SLC9C2: variants seen among roughly 807,000 people sequenced by gnomAD.
SLC9C2 encodes solute carrier family 9 member C2 (putative).
A neutral mutation model predicts 140.2 loss-of-function variants in SLC9C2; 75 were observed. That is an observed-to-expected ratio of 0.53 (90% confidence interval 0.44 to 0.65). SLC9C2 has a LOEUF of 0.65. Ranked by LOEUF, SLC9C2 falls within the 30% of genes least tolerant of loss-of-function variation. SLC9C2 has a pLI of 0.00. For synonymous variants in SLC9C2, 375 were observed against 420.9 expected (o/e 0.89, Z 1.34); for missense variants, 1,074 against 1,331.8 (o/e 0.81, Z 3.01).
intron 8 of SLC9C2, among the ~76,000 whole-genome samples, chr1:173,573,765 T>C (rs1378037068): frequency 6.6e-6 from 1 of 152,234 alleles, no homozygotes; most frequent in Non-Finnish European, 1.5e-5. Context: ...TCTCCCTCTG[T>C]GACTCACATG....
chr1:173,568,142 T>C (rs1664609460), intron 9 of SLC9C2, among the ~76,000 whole-genome samples: 1 of 152,176 alleles, frequency 6.6e-6, no homozygotes, highest in Non-Finnish European at 1.5e-5. Flanking sequence ...AAATATTTTA[T>C]TTTAGGTTTG....
In SLC9C2 at chr1:173,536,962, G is replaced by A. The variant is rs1183599525; in HGVS notation, c.1635C>T (p.Cys545=). 2 of 1,613,342 alleles carry A rather than the reference G, an allele frequency of 1.2e-6. No individual in the cohort carries two copies. Among genetic ancestry groups the A allele is most frequent in the Admixed American group, 3.3e-5 (2 of 59,970 alleles). The change falls in exon 14 of 28, where the codon TGC becomes TGT. Residue 545 remains cysteine (C), a synonymous_variant. Coordinates refer to ENST00000367714, the MANE Select transcript of SLC9C2 (RefSeq NM_178527.4). ...CTTACTTTCCTTGGATGGAGTAATA[G>A]CATTTTGCTGCACCAATTAATATCC... ...AARILIGAAK[C]YYSIQGKFMS... is the part of the protein sequence containing the mutation.
In SLC9C2 at chr1:173,537,536, T is replaced by G. The variant is rs193197155; in HGVS notation, c.1558-497A>C. 3.6e-3 allele frequency among the ~76,000 whole-genome samples: 552 copies of G among 152,254 alleles called. 6 individuals carry two copies. The highest frequency in any genetic ancestry group is 0.013 in the African/African-American group (531 of 41,548). Reference sequence around the variant, plus strand: ...GAGATCATGCCATTGCACTCCAGTCTGGGCAACAGAGCAAGACTCCGTCTC... The same window carrying G: ...GAGATCATGCCATTGCACTCCAGTCGGGGCAACAGAGCAAGACTCCGTCTC... On this transcript the variant is annotated intron_variant, in intron 13 of 27. Coordinates refer to ENST00000367714, the MANE Select transcript of SLC9C2 (RefSeq NM_178527.4).
chr1:173,554,908 T>C lies in SLC9C2; in HGVS notation c.1216-94A>G, dbSNP rs1571548669. 53 of 780,310 alleles carry C rather than the reference T, an allele frequency of 6.8e-5. 1 individual carries two copies. In the East Asian group the frequency reaches 1.3e-3, roughly 20 times the overall value. 48.3% of individuals were successfully genotyped at this position (780,310 alleles called of 1,614,324 possible). The stretch of plus-strand genomic sequence containing the variant: ...CAATTAGCCACTTACAAAATTCTAT[T>C]AATATCTTAATCCACATTTTAAAAT... On this transcript the variant is annotated intron_variant, in intron 10 of 27. Coordinates refer to ENST00000367714, the MANE Select transcript of SLC9C2 (RefSeq NM_178527.4).
chr1:173,533,002 G>C (rs116373156), intron 17 of SLC9C2, among the ~76,000 whole-genome samples: 10 of 152,270 alleles, frequency 6.6e-5, no homozygotes, highest in Non-Finnish European at 1.3e-4. Flanking sequence ...GCAGGTAGAG[G>C]GTAATCAGGA....
intron 4 of SLC9C2, among the ~76,000 whole-genome samples, chr1:173,589,531 T>C (rs1182941027): frequency 6.6e-6 from 1 of 151,982 alleles, no homozygotes; most frequent in Non-Finnish European, 1.5e-5. Flanking sequence ...CTGTACTCTA[T>C]CCTGGGTGAC....
intron 9 of SLC9C2, among the ~76,000 whole-genome samples, chr1:173,566,659 TC>T (rs1225395783): frequency 2.0e-5 from 3 of 152,036 alleles, no homozygotes; most frequent in African/African-American, 4.8e-5. Flanking sequence ...CCTATTTTTT[TC>T]ATTTCAATTT....
chr1:173,557,623 A>T, intron 9 of SLC9C2, 115 bp from the exon 10 acceptor site: 1 of 983,066 alleles, frequency 1.0e-6, no homozygotes, highest in Non-Finnish European at 1.5e-6. Context: ...AAAGAAAAAA[A>T]CAATGCAATT....
At chr1:173,503,025 A>G (rs919033474) in intron 27 of SLC9C2, among the ~76,000 whole-genome samples, 1 of 152,134 alleles carries the variant, frequency 6.6e-6, no homozygotes, top group African/African-American at 2.4e-5. Flanking sequence ...TTTGACCTAA[A>G]TATCAGTGAG....
chr1:173,530,179 A>T (rs899951228), intron 17 of SLC9C2, 125 bp from the exon 18 acceptor site: 2 of 820,232 alleles, frequency 2.4e-6, no homozygotes, highest in East Asian at 2.7e-5. Flanking sequence ...CTTGTTAGGA[A>T]TGCAAAATCT....
In SLC9C2 at chr1:173,500,943, A is replaced by T. The variant is rs1659222278; in HGVS notation, c.*151T>A. On this transcript the variant is annotated 3_prime_UTR_variant, in exon 28 of 28. Transcript: ENST00000367714. ...AGTCCATCCATTGCTTATAAACTAA[A>T]TGCAGCAGTAACCTGTTTCAGTAGC... 5 of 830,670 alleles carry T rather than the reference A, an allele frequency of 6.0e-6. No homozygotes were observed. The South Asian group carries it at 1.4e-4, about 24-fold the overall frequency. The allele number at this position is 830,670 out of a possible 1,614,324, so 51.5% of individuals were successfully genotyped here.
chr1:173,591,766 T>C (rs1458594394), intron 4 of SLC9C2, among the ~76,000 whole-genome samples: 1 of 152,250 alleles, frequency 6.6e-6, no homozygotes, highest in Non-Finnish European at 1.5e-5. Context: ...ATGCTAGATA[T>C]TAGACCTTTG....
chr1:173,580,497 G>A (rs1000969330), intron 7 of SLC9C2, among the ~76,000 whole-genome samples: 10 of 152,194 alleles, frequency 6.6e-5, no homozygotes, highest in East Asian at 1.9e-4. Context: ...AATTACAGGC[G>A]TGCGCCAGCA....
chr1:173,528,153 G>A (rs1347811563), intron 18 of SLC9C2, among the ~76,000 whole-genome samples: 1 of 152,142 alleles, frequency 6.6e-6, no homozygotes, highest in African/African-American at 2.4e-5. Context: ...ATGAAAGCCT[G>A]GGCATACATT....
At chr1:173,541,595 C>A (rs572818642) in intron 13 of SLC9C2, among the ~76,000 whole-genome samples, 1 of 152,300 alleles carries the variant, frequency 6.6e-6, no homozygotes, top group South Asian at 2.1e-4. Context: ...CCAAAACTGA[C>A]CACATAGTTG....
intron 18 of SLC9C2, among the ~76,000 whole-genome samples, chr1:173,527,250 C>G (rs1486003188): frequency 6.6e-6 from 1 of 152,182 alleles, no homozygotes; most frequent in Non-Finnish European, 1.5e-5. Context: ...AATTCTGCTG[C>G]TTTGCCCATG....
intron 21 of SLC9C2, among the ~76,000 whole-genome samples, chr1:173,522,953 C>A (rs554540081): frequency 6.6e-6 from 1 of 152,336 alleles, no homozygotes; most frequent in South Asian, 2.1e-4. Context: ...CCTTCCATGG[C>A]CGCTCTGTGT....
chr1:173,566,968 T>G (rs529492987), intron 9 of SLC9C2, among the ~76,000 whole-genome samples: 3 of 152,240 alleles, frequency 2.0e-5, no homozygotes, highest in Admixed American at 6.5e-5. Context: ...TTGTTTAATT[T>G]ACCTGTGTTG....
chr1:173,566,821 A>G (rs1026912845), intron 9 of SLC9C2, among the ~76,000 whole-genome samples: 4 of 150,032 alleles, frequency 2.7e-5, no homozygotes, highest in Non-Finnish European at 5.9e-5. Flanking sequence ...ACATGTAACT[A>G]TAAATTTCCC....
Sources: gnomAD v4.1 joint callset for allele counts (sites outside exome capture counted in the v4.1 genomes callset) on GRCh38, gnomAD v4.1.1 for gene constraint, MANE v1.5 for transcripts, NCBI Gene and HGNC (gene_info 2026-07-23, HGNC 2026-07-21) for gene names.